The following NPFFR2 variants were observed in gnomAD, a reference collection of about 807,000 sequenced individuals.
The protein encoded by NPFFR2 is G-protein coupled receptor 74.
In NPFFR2, 15 loss-of-function variants were observed where a neutral mutation model predicts 13.1. The ratio of observed to expected loss-of-function variants is 1.15; its 90% CI spans 0.77 to 1.76. NPFFR2 has a LOEUF of 1.76. Ranked by LOEUF, NPFFR2 falls within the 40% of genes most tolerant of loss-of-function variation. NPFFR2 has a pLI of 0.00. For synonymous variants in NPFFR2, 190 were observed against 175.7 expected (o/e 1.08, Z -0.65); for missense variants, 572 against 503.5 (o/e 1.14, Z -1.30).
At chr4:72,070,542 C>CT (rs1553889556) in intron 1 of NPFFR2, among the ~76,000 whole-genome samples, 1 of 12,838 alleles carries the variant, frequency 7.8e-5, no homozygotes, top group African/African-American at 1.8e-4. Flanking sequence ...ATGGAAGTAT[C>CT]GTGTGTGTGT....
chr4:72,142,843 G>A (rs746244208), intron 3 of NPFFR2, among the ~76,000 whole-genome samples: 1 of 152,172 alleles, frequency 6.6e-6, no homozygotes, highest in African/African-American at 2.4e-5. Flanking sequence ...ATACTGGGCT[G>A]GGTTGGTAAC....
At chr4:72,092,032 A>T (rs1720930233) in intron 1 of NPFFR2, among the ~76,000 whole-genome samples, 1 of 151,918 alleles carries the variant, frequency 6.6e-6, no homozygotes, top group African/African-American at 2.4e-5. Flanking sequence ...CTGATAGTTT[A>T]TATCACTATT....
intron 3 of NPFFR2, among the ~76,000 whole-genome samples, chr4:72,138,800 T>C (rs1722503626): frequency 6.6e-6 from 1 of 152,170 alleles, no homozygotes; most frequent in African/African-American, 2.4e-5. Flanking sequence ...CTGGGTCAAA[T>C]GGTATTTCTA....
intron 1 of NPFFR2, among the ~76,000 whole-genome samples, chr4:72,096,799 A>C (rs28730939): frequency 0.029 from 4,419 of 152,190 alleles, 175 homozygotes; most frequent in African/African-American, 0.09. Flanking sequence ...GAGTTACGTC[A>C]CAATGAAATC....
At chr4:72,133,319 G>A (rs560792494) in intron 2 of NPFFR2, among the ~76,000 whole-genome samples, 180 of 152,084 alleles carry the variant, frequency 1.2e-3, no homozygotes, top group Non-Finnish European at 2.3e-3. Context: ...GATATTTGTA[G>A]GTGCATGGAT....
At chr4:72,112,319 G>A (rs1721587059) in intron 1 of NPFFR2, among the ~76,000 whole-genome samples, 1 of 152,024 alleles carries the variant, frequency 6.6e-6, no homozygotes, top group Non-Finnish European at 1.5e-5. Flanking sequence ...AGTAGAAACA[G>A]TAAGATTCTT....
At chr4:72,142,501 ATCT>A (rs1188556761) in intron 3 of NPFFR2, among the ~76,000 whole-genome samples, 1 of 152,128 alleles carries the variant, frequency 6.6e-6, no homozygotes, top group Non-Finnish European at 1.5e-5. Context: ...GAAATAACCC[ATCT>A]TCTGCATCTA....
intron 1 of NPFFR2, among the ~76,000 whole-genome samples, chr4:72,113,753 G>A (rs77290807): frequency 0.018 from 2,718 of 152,162 alleles, 86 homozygotes; most frequent in African/African-American, 0.062. Context: ...GGTTGTCTGC[G>A]AGTAGACCAG....
intron 1 of NPFFR2, among the ~76,000 whole-genome samples, chr4:72,098,541 ATTC>A (rs201041310): frequency 0.029 from 4,478 of 152,206 alleles, 175 homozygotes; most frequent in African/African-American, 0.09. Flanking sequence ...GCCTAGGACA[ATTC>A]TTCTTCTTCC....
chr4:72,057,265 A>G (rs1030221666), intron 1 of NPFFR2, among the ~76,000 whole-genome samples: 2 of 151,974 alleles, frequency 1.3e-5, no homozygotes, highest in Non-Finnish European at 2.9e-5. Context: ...TTTGCTGACC[A>G]TGTGAGTTTC....
chr4:72,044,232 AG>A (rs955158675), intron 1 of NPFFR2, among the ~76,000 whole-genome samples: 2 of 152,318 alleles, frequency 1.3e-5, no homozygotes, highest in Middle Eastern at 3.4e-3. Context: ...TAAATTACCC[AG>A]TCTTGAGTAT....
At position 72,147,123 on chromosome 4, in the gene NPFFR2, G is replaced by A; in HGVS notation, c.574G>A (p.Val192Met). 6.2e-7 allele frequency: 1 copy of A among 1,614,052 alleles called. No homozygotes were observed. Residue 192 changes from valine to methionine, a missense_variant, in exon 4 of 4, where the codon GTG becomes ATG. Coordinates refer to ENST00000308744, the MANE Select transcript of NPFFR2 (RefSeq NM_004885.3). The stretch of plus-strand genomic sequence containing the variant: ...TGTGCAAGAAGAAAAATATTACCGA[G>A]TGAGACTCAACTCCCAGAATAAAAC... ...LHVQEEKYYR[V>M]RLNSQNKTSP...
At chr4:72,053,694 G>T (rs1345679320) in intron 1 of NPFFR2, among the ~76,000 whole-genome samples, 1 of 151,692 alleles carries the variant, frequency 6.6e-6, no homozygotes, top group Non-Finnish European at 1.5e-5. Flanking sequence ...ATAGATTCAG[G>T]ATTTTCTATG....
chr4:72,098,438 G>C (rs1215330607), intron 1 of NPFFR2, among the ~76,000 whole-genome samples: 28 of 146,620 alleles, frequency 1.9e-4, no homozygotes. Context: ...ACACAAATTT[G>C]TGAACTTTCC....
chr4:72,086,355 G>A (rs1480046516), intron 1 of NPFFR2, among the ~76,000 whole-genome samples: 1 of 151,954 alleles, frequency 6.6e-6, no homozygotes, highest in Non-Finnish European at 1.5e-5. Flanking sequence ...CAGTCTGATG[G>A]ACCAGAACAT....
At chr4:72,040,394 C>T (rs905721274) in intron 1 of NPFFR2, among the ~76,000 whole-genome samples, 2 of 152,028 alleles carry the variant, frequency 1.3e-5, no homozygotes, top group East Asian at 3.9e-4. Flanking sequence ...TTATTCTTCC[C>T]CTTCGAATTG....
intron 1 of NPFFR2, among the ~76,000 whole-genome samples, chr4:72,056,778 G>C (rs566246108): frequency 1.3e-5 from 2 of 151,992 alleles, no homozygotes; most frequent in African/African-American, 4.8e-5. Context: ...AGAAGTTGAA[G>C]ACTTCAGTGG....
intron 2 of NPFFR2, among the ~76,000 whole-genome samples, chr4:72,132,019 A>AT (rs1722259832): frequency 6.6e-6 from 1 of 151,638 alleles, no homozygotes; most frequent in South Asian, 2.1e-4. Context: ...TTTAACTTCT[A>AT]TTTTTAATTC....
intron 1 of NPFFR2, among the ~76,000 whole-genome samples, chr4:72,089,132 T>G (rs1578447511): frequency 6.6e-6 from 1 of 152,258 alleles, no homozygotes; most frequent in Middle Eastern, 3.4e-3. Context: ...GTTTTCAATC[T>G]TATCCAGGTT....
Sources: allele counts gnomAD v4.1 joint callset (sites outside exome capture counted in the v4.1 genomes callset), GRCh38; gene constraint gnomAD v4.1.1; transcripts MANE v1.5; gene names NCBI Gene and HGNC (gene_info 2026-07-23, HGNC 2026-07-21).